CTC1: variants seen among roughly 807,000 people sequenced by gnomAD.
The protein encoded by CTC1 is CST complex subunit CTC1.
A neutral mutation model predicts 136.3 loss-of-function variants in CTC1; 91 were observed. That is an observed-to-expected ratio of 0.67 (90% CI 0.56 to 0.79). The LOEUF (loss-of-function observed/expected upper bound fraction) is 0.79. Among genes scored for constraint, CTC1 ranks in the 30% least tolerant of loss-of-function variants. The pLI, the probability that CTC1 is intolerant of heterozygous loss-of-function variation, is 0.00. For missense variants in CTC1, 1,432 were observed against 1,498.1 expected (o/e 0.96, Z 0.73); for synonymous variants, 606 against 613.8 (o/e 0.99, Z 0.19).
In CTC1 at chr17:8,230,297, G is replaced by GT; in HGVS notation, c.2929_2930insA (p.Ser977TyrfsTer24). Reference sequence around the variant, plus strand: ...AGGTGACACTACACATCTTCACCTGGAAACCCTTTTCTCCAACTGGCTGAA... The same window carrying GT: ...AGGTGACACTACACATCTTCACCTGGTAAACCCTTTTCTCCAACTGGCTGAA... On this transcript the variant is annotated frameshift_variant, in exon 17 of 23. Transcript: ENST00000651323. LOFTEE classifies it high-confidence loss of function. 6.2e-7 allele frequency: 1 copy of GT among 1,610,240 alleles called. No homozygotes were observed. The highest frequency in any genetic ancestry group is 8.5e-7 in the Non-Finnish European group (1 of 1,178,660).
At chr17:8,247,286 C>T (rs966784143) in intron 1 of CTC1, among the ~76,000 whole-genome samples, 2 of 149,708 alleles carry the variant, frequency 1.3e-5, no homozygotes, top group African/African-American at 4.9e-5. Context: ...TTGCTTCCGT[C>T]CTGAAACCCC....
Position 8,234,625 on chromosome 17 carries a change from G to A in CTC1, c.1648C>T (p.Pro550Ser). 2 of 1,613,028 alleles carry A rather than the reference G, an allele frequency of 1.2e-6. No homozygotes were observed. Among genetic ancestry groups the A allele is most frequent in the Non-Finnish European group, 8.5e-7 (1 of 1,179,360 alleles). Residue 550 changes from proline to serine, a missense_variant, in exon 10 of 23, where the codon CCC becomes TCC. Pro to Ser is a moderately conservative substitution (Grantham distance 74). Transcript: ENST00000651323. ...YTRLQTPSSF[P>S]TLATLKEEGQ... ...TCTTCTTTCAGGGTGGCCAGAGTGG[G>A]GAAGGAGGAGGGAGTCTGCAGCCGA...
chr17:8,238,549 T>C lies in CTC1; in HGVS notation c.278A>G (p.Gln93Arg). ...SHLSWSSSAY[Q>R]AWAQEAGPNG... ...TGGTCCAGCCTCTTGGGCCCAGGCC[T>C]GGTATGCACTACTGCTCCACGACAG... The change falls in exon 3 of 23, where the codon CAG becomes CGG. Residue 93 changes from glutamine to arginine, a missense_variant. Coordinates refer to ENST00000651323, the MANE Select transcript of CTC1 (RefSeq NM_025099.6). 1 of 1,614,194 alleles carries C rather than the reference T, an allele frequency of 6.2e-7. No homozygotes were observed. Among genetic ancestry groups the C allele is most frequent in the Non-Finnish European group, 8.5e-7 (1 of 1,180,024 alleles).
chr17:8,245,343 C>T (rs960603781), intron 1 of CTC1, among the ~76,000 whole-genome samples: 37 of 152,256 alleles, frequency 2.4e-4, no homozygotes, highest in African/African-American at 8.7e-4. Context: ...CTTCAGCATC[C>T]TTGTGGACAG....
intron 2 of CTC1, among the ~76,000 whole-genome samples, chr17:8,239,199 A>C (rs1346047306): frequency 6.6e-6 from 1 of 152,146 alleles, no homozygotes; most frequent in Non-Finnish European, 1.5e-5. Context: ...GACCCAGAGA[A>C]ATGAAGTAGG....
intron 14 of CTC1, 96 bp from the exon 15 acceptor site, chr17:8,231,565 A>G: frequency 4.6e-6 from 6 of 1,306,182 alleles, no homozygotes; most frequent in Non-Finnish European, 6.4e-6. Context: ...TTTCTGGAGC[A>G]TGGAGAAGGA....
Position 8,229,877 on chromosome 17 carries a change from G to A in CTC1, c.3011+14C>T. On this transcript the variant is annotated intron_variant, in intron 18 of 22. Transcript: ENST00000651323. ...GAAGCCAGGAAGTTTAGGGGTTGGG[G>A]TCTGGGCACTGACCTGATGGTGGTC... The A allele has an allele frequency of 1.2e-6, 2 of 1,611,670 alleles. No homozygotes were observed. Among genetic ancestry groups the A allele is most frequent in the Non-Finnish European group, 1.7e-6 (2 of 1,177,810 alleles).
At position 8,226,291 on chromosome 17, in the gene CTC1, C is replaced by G. The variant is rs1597368204; in HGVS notation, c.*1889G>C. 6.6e-6 allele frequency: 1 copy of G among 152,252 alleles called. No homozygotes were observed. The highest frequency in any genetic ancestry group is 1.5e-5 in the Non-Finnish European group (1 of 68,036). 9.4% of individuals were successfully genotyped at this position (152,252 alleles called of 1,614,324 possible). ...CTGTTTACTAGACAGGCGCTTTAAC[C>G]AACTAAGCCACGGCGCCGAAGCTGC... On this transcript the variant is annotated 3_prime_UTR_variant, in exon 23 of 23. Coordinates refer to ENST00000651323, the MANE Select transcript of CTC1 (RefSeq NM_025099.6).
Position 8,235,079 on chromosome 17 carries a change from G to C in CTC1, c.1413C>G (p.Thr471=). The C allele has an allele frequency of 3.7e-6, 6 of 1,614,126 alleles. No individual in the cohort carries two copies. Among genetic ancestry groups the C allele is most frequent in the Non-Finnish European group, 5.1e-6 (6 of 1,180,016 alleles). ...QLGLPLYLWA[T]KALEELACKL... ...TGCAGGCCAGCTCCTCCAGGGCCTT[G>C]GTAGCCCACAGGTAGAGGGGAAGTC... Residue 471 remains threonine, a synonymous_variant, in exon 8 of 23, where the codon ACC becomes ACG. Transcript: ENST00000651323.
Position 8,231,822 on chromosome 17 carries a change from G to A in CTC1, c.2386-7C>T, listed in dbSNP as rs201945512. 1.8e-5 allele frequency: 29 copies of A among 1,614,044 alleles called. No homozygotes were observed. The highest frequency in any genetic ancestry group is 2.5e-5 in the Non-Finnish European group (29 of 1,179,990). ...CAAAGAAAATGAGGTGAACCTGGGAGGATGGAGAGCAAAGTGCTGGGATCC... is the reference window on the plus strand; with the variant it reads ...CAAAGAAAATGAGGTGAACCTGGGAAGATGGAGAGCAAAGTGCTGGGATCC... On this transcript the variant is annotated splice_polypyrimidine_tract_variant and splice_region_variant and intron_variant, in intron 13 of 22. Transcript: ENST00000651323.
At chr17:8,229,858 A>AG (rs1987058784) in intron 18 of CTC1, 33 bp downstream of exon 18, 1 of 1,579,590 alleles carries the variant, frequency 6.3e-7, no homozygotes. Flanking sequence ...ATGTGAAGCC[A>AG]GGAAGTTTAG....
chr17:8,237,504 A>G lies in CTC1; in HGVS notation c.663T>C (p.Gly221=), dbSNP rs138725914. 8.1e-4 allele frequency: 1,315 copies of G among 1,613,566 alleles called. 5 individuals are homozygous for G. The East Asian group carries it at 0.01, about 12-fold the overall frequency. Residue 221 remains glycine, a synonymous_variant, in exon 5 of 23, where the codon GGT becomes GGC. Transcript: ENST00000651323. ...CLLRLRNKLR[G]VQRNLAGSLV... ...GACTCCCAGCCAGGTTTCGCTGCACACCTCTGAGCTTGTTTCTAAGAAGGA... is the reference window on the plus strand; with the variant it reads ...GACTCCCAGCCAGGTTTCGCTGCACGCCTCTGAGCTTGTTTCTAAGAAGGA...
At chr17:8,242,547 A>T (rs1268343612) in intron 2 of CTC1, among the ~76,000 whole-genome samples, 58 of 96,804 alleles carry the variant, frequency 6.0e-4, no homozygotes, top group Middle Eastern at 5.3e-3. Context: ...AAAAAAAAAA[A>T]AAAAAAATAT....
At chr17:8,243,812 T>G (rs567531135) in intron 1 of CTC1, among the ~76,000 whole-genome samples, 40 of 152,140 alleles carry the variant, frequency 2.6e-4, no homozygotes, top group Non-Finnish European at 4.9e-4. Flanking sequence ...TGGCTCACGC[T>G]TGTAATCCCA....
intron 1 of CTC1, among the ~76,000 whole-genome samples, chr17:8,245,607 T>C (rs1162146467): frequency 6.6e-6 from 1 of 152,158 alleles, no homozygotes; most frequent in Non-Finnish European, 1.5e-5. Context: ...ACCTAAGTTT[T>C]GTTAAAAAGG....
chr17:8,226,327 C>CG lies in CTC1; in HGVS notation c.*1852_*1853insC, dbSNP rs1567591271. On this transcript the variant is annotated 3_prime_UTR_variant, in exon 23 of 23. Transcript: ENST00000651323. ...CGGCGCCGAAGCTGCCATAAAGGTTCCTGAAATTCATCTACAAGAATATAG... is the reference window on the plus strand; with the variant it reads ...CGGCGCCGAAGCTGCCATAAAGGTTCGCTGAAATTCATCTACAAGAATATAG... 1 of 152,182 alleles carries CG rather than the reference C, an allele frequency of 6.6e-6. No homozygotes were observed. The highest frequency in any genetic ancestry group is 2.4e-5 in the African/African-American group (1 of 41,430). 9.4% of individuals were successfully genotyped at this position (152,182 alleles called of 1,614,324 possible).
At chr17:8,238,741 A>C (rs1488169278) in intron 2 of CTC1, 112 bp from the exon 3 acceptor site, 9 of 748,448 alleles carry the variant, frequency 1.2e-5, no homozygotes, top group Admixed American at 7.5e-5. Flanking sequence ...GGGAACATGG[A>C]CTAAGAGGTG....
intron 2 of CTC1, among the ~76,000 whole-genome samples, chr17:8,238,897 C>G (rs974171387): frequency 6.6e-6 from 1 of 151,908 alleles, no homozygotes; most frequent in African/African-American, 2.4e-5. Flanking sequence ...TTGAGACCAG[C>G]CCGGCCAACA....
At chr17:8,243,644 C>T (rs1185193126) in intron 1 of CTC1, among the ~76,000 whole-genome samples, 1 of 152,208 alleles carries the variant, frequency 6.6e-6, no homozygotes, top group African/African-American at 2.4e-5. Flanking sequence ...GCTGGCCATC[C>T]AGCTTTGGTC....
Sources: gnomAD v4.1 joint callset for allele counts (sites outside exome capture counted in the v4.1 genomes callset) on GRCh38, gnomAD v4.1.1 for gene constraint, MANE v1.5 for transcripts, NCBI Gene and HGNC (gene_info 2026-07-23, HGNC 2026-07-21) for gene names.